Variants in GPC6 observed in about 807,000 individuals in gnomAD.
GPC6 encodes the protein glypican-6.
GPC6 carries 14 observed loss-of-function variants against 55.2 expected under a neutral mutation model. The observed-to-expected ratio is 0.25, with a 90% CI of 0.17 to 0.40. The LOEUF is 0.40. Ranked by LOEUF, GPC6 falls within the 10% of genes least tolerant of loss-of-function variation. GPC6 has a pLI of 1.00. For missense variants in GPC6, 641 were observed against 708.5 expected, an observed-to-expected ratio of 0.90 and a Z score of 1.08; for synonymous variants, 278 against 259.6, an observed-to-expected ratio of 1.07 and a Z score of -0.68.
intron 1 of GPC6, among the ~76,000 whole-genome samples, chr13:93,489,599 A>G (rs1158702641): frequency 6.6e-6 from 1 of 151,600 alleles, no homozygotes; most frequent in African/African-American, 2.4e-5. Flanking sequence ...CTTCCTATCC[A>G]TGAGCATGGA....
chr13:93,681,167 A>G (rs1881832378), intron 2 of GPC6, among the ~76,000 whole-genome samples: 1 of 152,190 alleles, frequency 6.6e-6, no homozygotes, highest in Non-Finnish European at 1.5e-5. Flanking sequence ...GTTAGAGATA[A>G]GGAATAAAAA....
chr13:93,501,311 C>T (rs1443645857), intron 1 of GPC6, among the ~76,000 whole-genome samples: 1 of 151,892 alleles, frequency 6.6e-6, no homozygotes, highest in East Asian at 1.9e-4. Flanking sequence ...AATAATCAGC[C>T]CCAAGAACTA....
intron 4 of GPC6, among the ~76,000 whole-genome samples, chr13:94,170,498 A>G (rs999678567): frequency 5.9e-5 from 9 of 152,150 alleles, no homozygotes; most frequent in African/African-American, 2.2e-4. Flanking sequence ...TTGGGGAGAG[A>G]TTCTGATGGT....
rs536717429 is a variant in GPC6 at position 93,712,535 on chromosome 13, C to T, written c.320-117619C>T. Among the ~76,000 whole-genome samples, 6 of 151,736 alleles carry T rather than the reference C, an allele frequency of 4.0e-5. No individual in the cohort carries two copies. The South Asian group carries it at 1.0e-3, about 26-fold the overall frequency. ...ATGATGGTTTTGCCTATCAAGTCTG[C>T]CTGTCTTTTCCTGTGTGAACACCTT... On this transcript the variant is annotated intron_variant, in intron 2 of 8. Transcript: ENST00000377047.
chr13:94,154,357 T>C (rs1397909296), intron 4 of GPC6: 1 of 152,150 alleles, frequency 6.6e-6, no homozygotes, highest in Non-Finnish European at 1.5e-5. Context: ...TTCTCTTCCA[T>C]TTTTTTCCTC....
intron 1 of GPC6, among the ~76,000 whole-genome samples, chr13:93,471,317 A>T (rs910263148): frequency 4.7e-5 from 7 of 150,470 alleles, no homozygotes; most frequent in Non-Finnish European, 8.9e-5. Context: ...GATCAAGACC[A>T]TCCTGGCTAA....
rs962666465 is a variant in GPC6 at position 93,553,393 on chromosome 13, G to A, written c.319+7972G>A. On this transcript the variant is annotated intron_variant, in intron 2 of 8. Transcript: ENST00000377047. The stretch of plus-strand genomic sequence containing the variant: ...CCTGATGGAATACTGCGATGGGCAG[G>A]TAGAAGGGAATGAGATGGGCCAGGC... 2.0e-5 allele frequency among the ~76,000 whole-genome samples: 3 copies of A among 152,030 alleles called. No homozygotes were observed. The South Asian group carries it at 6.2e-4, about 32-fold the overall frequency.
At chr13:94,197,436 G>A (rs983851359) in intron 4 of GPC6, among the ~76,000 whole-genome samples, 8 of 152,204 alleles carry the variant, frequency 5.3e-5, no homozygotes, top group African/African-American at 1.9e-4. Flanking sequence ...CTAGAGACCA[G>A]AAGTCCAAGA....
At chr13:94,133,003 C>A (rs1377765065) in intron 4 of GPC6, among the ~76,000 whole-genome samples, 1 of 151,882 alleles carries the variant, frequency 6.6e-6, no homozygotes, top group Non-Finnish European at 1.5e-5. Context: ...CCTGTATGGC[C>A]ATTGTAAAAT....
chr13:93,431,484 A>G (rs1463240832), intron 1 of GPC6, among the ~76,000 whole-genome samples: 1 of 152,186 alleles, frequency 6.6e-6, no homozygotes, highest in Non-Finnish European at 1.5e-5. Flanking sequence ...AAACAACTTT[A>G]TGTAATATTT....
Position 93,624,631 on chromosome 13 carries a change from A to G in GPC6, c.319+79210A>G, listed in dbSNP as rs547727622. ...GCACTTAGGAGAAAACCACATGGGTAAAGTCACACTCATGTAAAAAATAAA... is the reference window on the plus strand; with the variant it reads ...GCACTTAGGAGAAAACCACATGGGTGAAGTCACACTCATGTAAAAAATAAA... On this transcript the variant is annotated intron_variant, in intron 2 of 8. Transcript: ENST00000377047. 5.9e-5 allele frequency among the ~76,000 whole-genome samples: 9 copies of G among 152,374 alleles called. No individual in the cohort carries two copies. The South Asian group carries it at 6.2e-4, about 11-fold the overall frequency.
intron 2 of GPC6, among the ~76,000 whole-genome samples, chr13:93,688,992 G>C (rs1370322897): frequency 6.6e-6 from 1 of 151,948 alleles, no homozygotes; most frequent in Non-Finnish European, 1.5e-5. Context: ...CTGATTTATA[G>C]AGTATCTGAG....
intron 3 of GPC6, among the ~76,000 whole-genome samples, chr13:93,965,195 C>G (rs145913640): frequency 7.2e-6 from 1 of 138,828 alleles, no homozygotes; most frequent in African/African-American, 2.7e-5. Context: ...GCAGATCACA[C>G]GGTCAGGAGA....
At chr13:94,259,626 A>G (rs1160428705) in intron 4 of GPC6, among the ~76,000 whole-genome samples, 1 of 151,746 alleles carries the variant, frequency 6.6e-6, no homozygotes, top group Non-Finnish European at 1.5e-5. Flanking sequence ...CCCAACAGAA[A>G]CTCCGTGCCC....
chr13:94,402,575 T>C (rs1881189462), intron 8 of GPC6, among the ~76,000 whole-genome samples: 1 of 152,100 alleles, frequency 6.6e-6, no homozygotes, highest in African/African-American at 2.4e-5. Flanking sequence ...TCTGCTGAGC[T>C]CTGTTTCCAC....
intron 3 of GPC6, among the ~76,000 whole-genome samples, chr13:93,879,802 C>A (rs1284509538): frequency 6.6e-6 from 1 of 152,140 alleles, no homozygotes; most frequent in South Asian, 2.1e-4. Context: ...AGAAAATTTT[C>A]GCATCCTACT....
At chr13:94,130,119 T>C (rs547455013) in intron 4 of GPC6, among the ~76,000 whole-genome samples, 5 of 152,292 alleles carry the variant, frequency 3.3e-5, no homozygotes, top group East Asian at 3.9e-4. Context: ...TGTTGGACTT[T>C]TGAGTACTAT....
At chr13:94,298,126 G>C (rs1011699205) in intron 5 of GPC6, among the ~76,000 whole-genome samples, 97 of 152,008 alleles carry the variant, frequency 6.4e-4, no homozygotes, top group African/African-American at 2.3e-3. Flanking sequence ...GATGTTTTAA[G>C]TTTATATTCA....
At chr13:93,535,367 G>A (rs1237265633) in intron 1 of GPC6, among the ~76,000 whole-genome samples, 1 of 152,144 alleles carries the variant, frequency 6.6e-6, no homozygotes, top group Non-Finnish European at 1.5e-5. Flanking sequence ...AATTGAAACA[G>A]AAAGGGATGG....
Sources: gnomAD v4.1 joint callset for allele counts (sites outside exome capture counted in the v4.1 genomes callset) on GRCh38, gnomAD v4.1.1 for gene constraint, MANE v1.5 for transcripts, NCBI Gene and HGNC (gene_info 2026-07-23, HGNC 2026-07-21) for gene names.